DLC1: variants seen among roughly 807,000 people sequenced by gnomAD.
DLC1 encodes the protein DLC1 Rho GTPase activating protein.
Under a neutral mutation model 140.3 loss-of-function variants are expected in DLC1, and 54 were observed. That is an observed-to-expected ratio of 0.38 (90% confidence interval 0.31 to 0.48). The LOEUF (loss-of-function observed/expected upper bound fraction) is 0.48, where lower values mean the gene tolerates loss of function less well. Ranked by LOEUF, DLC1 falls within the 20% of genes least tolerant of loss-of-function variation. DLC1 has a pLI of 0.96. For synonymous variants in DLC1, 986 were observed against 728.1 expected (o/e 1.35, Z -5.70); for missense variants, 2,536 against 1,907.0 (o/e 1.33, Z -6.14).
intron 6 of DLC1, among the ~76,000 whole-genome samples, chr8:13,111,772 C>A (rs775848777): frequency 1.8e-4 from 27 of 151,986 alleles, no homozygotes; most frequent in Non-Finnish European, 3.8e-4. Context: ...AGGAGTGTCT[C>A]GGTGTAGGGT....
chr8:13,399,226 ACTGT>A (rs1021176045), intron 3 of DLC1, among the ~76,000 whole-genome samples: 2 of 152,280 alleles, frequency 1.3e-5, no homozygotes, highest in African/African-American at 4.8e-5. Context: ...ACATGCTCTG[ACTGT>A]CTGACAACCA....
intron 7 of DLC1, among the ~76,000 whole-genome samples, chr8:13,106,392 G>A (rs1284126159): frequency 6.6e-6 from 1 of 152,190 alleles, no homozygotes; most frequent in East Asian, 1.9e-4. Context: ...GGGTCACTCA[G>A]GTTGGAATGC....
chr8:13,173,368 C>CTTTTTTTTTTTT (rs35778236), intron 5 of DLC1, among the ~76,000 whole-genome samples: 1 of 103,510 alleles, frequency 9.7e-6, no homozygotes, highest in Non-Finnish European at 1.8e-5. Flanking sequence ...GTTCTGCCCT[C>CTTTTTTTTTTTT]TTTTTTTTTT....
intron 4 of DLC1, among the ~76,000 whole-genome samples, chr8:13,333,408 T>A (rs974430873): frequency 2.6e-5 from 1 of 38,576 alleles, no homozygotes. Context: ...GTTTGTTTGT[T>A]TGTTTTTTGT....
chr8:13,381,525 A>G (rs1836255964), intron 4 of DLC1, among the ~76,000 whole-genome samples: 1 of 152,206 alleles, frequency 6.6e-6, no homozygotes, highest in African/African-American at 2.4e-5. Context: ...AAGCTAGGTC[A>G]TAAAAGGCGT....
At chr8:13,170,409 A>G (rs1825379071) in intron 5 of DLC1, among the ~76,000 whole-genome samples, 1 of 152,188 alleles carries the variant, frequency 6.6e-6, no homozygotes, top group South Asian at 2.1e-4. Flanking sequence ...AATGGCATAC[A>G]TTACTTATCT....
intron 1 of DLC1, among the ~76,000 whole-genome samples, chr8:13,571,074 A>T (rs1310005939): frequency 1.3e-5 from 2 of 152,320 alleles, no homozygotes; most frequent in African/African-American, 4.8e-5. Context: ...CTGAATATTG[A>T]TGTTACCTAT....
chr8:13,400,983 G>GT (rs1365137196), intron 3 of DLC1, among the ~76,000 whole-genome samples: 7 of 152,266 alleles, frequency 4.6e-5, no homozygotes, highest in African/African-American at 1.4e-4. Context: ...GAATTTTAGA[G>GT]TTTTCCCAAG....
intron 2 of DLC1, among the ~76,000 whole-genome samples, chr8:13,407,692 G>A (rs1038757355): frequency 6.6e-6 from 1 of 152,156 alleles, no homozygotes; most frequent in Non-Finnish European, 1.5e-5. Flanking sequence ...ATGCTAAACC[G>A]GGAATAGAAC....
At chr8:13,373,934 ATTT>A (rs1835843322) in intron 4 of DLC1, among the ~76,000 whole-genome samples, 1 of 152,204 alleles carries the variant, frequency 6.6e-6, no homozygotes, top group African/African-American at 2.4e-5. Context: ...GTATTATTTC[ATTT>A]TATGGAAAAT....
intron 1 of DLC1, among the ~76,000 whole-genome samples, chr8:13,549,899 G>A (rs1201473239): frequency 6.6e-6 from 1 of 152,004 alleles, no homozygotes. Context: ...GTGGCTCTCC[G>A]GCTTGTTTAC....
At chr8:13,176,134 A>G (rs1162561890) in intron 5 of DLC1, among the ~76,000 whole-genome samples, 2 of 152,190 alleles carry the variant, frequency 1.3e-5, no homozygotes, top group African/African-American at 4.8e-5. Flanking sequence ...CATAAAATAT[A>G]TTATAGTCAG....
In DLC1 at chr8:13,455,098, C is replaced by T. The variant is rs1799325076; in HGVS notation, c.1023+43951G>A. Among the ~76,000 whole-genome samples, 3 of 152,030 alleles carry T rather than the reference C, an allele frequency of 2.0e-5. No homozygotes were observed. The South Asian group carries it at 6.2e-4, about 32-fold the overall frequency. The stretch of plus-strand genomic sequence containing the variant: ...TAGTTAGATAAGAGGTGTGAAATGA[C>T]TCCATTGTTCATAACTCACACTTTT... On this transcript the variant is annotated intron_variant, in intron 2 of 17. Transcript: ENST00000276297.
chr8:13,309,758 C>T (rs1019091204), intron 4 of DLC1, among the ~76,000 whole-genome samples: 27 of 152,252 alleles, frequency 1.8e-4, no homozygotes, highest in African/African-American at 6.0e-4. Context: ...CTCACACCAA[C>T]CGCACAGAAG....
At chr8:13,321,043 C>G (rs1018530499) in intron 4 of DLC1, among the ~76,000 whole-genome samples, 2 of 152,050 alleles carry the variant, frequency 1.3e-5, no homozygotes, top group African/African-American at 4.8e-5. Flanking sequence ...GAACCATGAG[C>G]CAAATAAACC....
chr8:13,269,542 C>G (rs977618925), intron 5 of DLC1, among the ~76,000 whole-genome samples: 3 of 151,570 alleles, frequency 2.0e-5, no homozygotes, highest in Admixed American at 1.3e-4. Context: ...AGAGCAAGAC[C>G]CTACCTCTAC....
At chr8:13,324,139 T>C (rs1013358646) in intron 4 of DLC1, among the ~76,000 whole-genome samples, 3 of 152,218 alleles carry the variant, frequency 2.0e-5, no homozygotes, top group Non-Finnish European at 4.4e-5. Flanking sequence ...TTTTTAATTT[T>C]TTTGTTGTTG....
chr8:13,438,527 T>G (rs529616101), intron 2 of DLC1, among the ~76,000 whole-genome samples: 5 of 152,106 alleles, frequency 3.3e-5, no homozygotes, highest in Admixed American at 6.6e-5. Flanking sequence ...CAAATCCTGA[T>G]TTACTGTAGC....
At chr8:13,397,548 A>C (rs1253175804) in intron 3 of DLC1, among the ~76,000 whole-genome samples, 3 of 151,816 alleles carry the variant, frequency 2.0e-5, no homozygotes, top group Non-Finnish European at 4.4e-5. Flanking sequence ...TAAGAAAGAG[A>C]CTGGGTATGA....
Sources: gnomAD v4.1 joint callset for allele counts (sites outside exome capture counted in the v4.1 genomes callset) on GRCh38, gnomAD v4.1.1 for gene constraint, MANE v1.5 for transcripts, NCBI Gene and HGNC (gene_info 2026-07-23, HGNC 2026-07-21) for gene names.